CREB5: variants seen among roughly 807,000 people sequenced by gnomAD.
CREB5 encodes cAMP responsive element binding protein 5.
A neutral mutation model predicts 57.1 loss-of-function variants in CREB5; 19 were observed. The observed-to-expected ratio is 0.33, with a 90% CI of 0.23 to 0.49. The LOEUF is 0.49. CREB5 is among the 20% of genes least tolerant of loss of function. The pLI, the probability that CREB5 is intolerant of heterozygous loss-of-function variation, is 0.99. For missense variants in CREB5, 579 were observed against 671.6 expected (o/e 0.86, Z 1.52); for synonymous variants, 238 against 238.3 (o/e 1.00, Z 0.01).
intron 5 of CREB5, among the ~76,000 whole-genome samples, chr7:28,594,887 C>T (rs570031619): frequency 2.0e-5 from 3 of 152,204 alleles, no homozygotes; most frequent in Admixed American, 1.3e-4. Flanking sequence ...TTTCTACAGG[C>T]CACTTCCACT....
At chr7:28,690,239 C>G (rs2128729743) in intron 5 of CREB5, among the ~76,000 whole-genome samples, 1 of 152,224 alleles carries the variant, frequency 6.6e-6, no homozygotes, top group African/African-American at 2.4e-5. Context: ...CACAGGTGAG[C>G]AGGTGGAGGA....
intron 1 of CREB5, among the ~76,000 whole-genome samples, chr7:28,309,949 AC>A (rs1306766830): frequency 1.4e-5 from 2 of 147,400 alleles, no homozygotes; most frequent in Non-Finnish European, 1.5e-5. Context: ...GAGGCTCAAA[AC>A]AAGGGCTAAG....
At chr7:28,374,545 G>A (rs1487202752) in intron 1 of CREB5, among the ~76,000 whole-genome samples, 2 of 152,190 alleles carry the variant, frequency 1.3e-5, no homozygotes, top group African/African-American at 2.4e-5. Context: ...ATGAAACAAT[G>A]TGGATGAACT....
At chr7:28,433,725 A>G (rs1459222073) in intron 1 of CREB5, among the ~76,000 whole-genome samples, 1 of 152,098 alleles carries the variant, frequency 6.6e-6, no homozygotes, top group Non-Finnish European at 1.5e-5. Context: ...TTTTCAGTGT[A>G]AAAAGGGTTT....
intron 2 of CREB5, among the ~76,000 whole-genome samples, chr7:28,490,650 G>A (rs1028481667): frequency 1.3e-5 from 2 of 152,196 alleles, no homozygotes; most frequent in Admixed American, 6.5e-5. Context: ...GTTGTACGAC[G>A]TTTAGCAGTA....
At chr7:28,336,149 G>T (rs927217521) in intron 1 of CREB5, among the ~76,000 whole-genome samples, 3 of 152,082 alleles carry the variant, frequency 2.0e-5, no homozygotes, top group African/African-American at 7.2e-5. Flanking sequence ...ACATTGGCCT[G>T]TAGTTTTATT....
intron 5 of CREB5, among the ~76,000 whole-genome samples, chr7:28,688,386 T>A (rs1801061485): frequency 6.6e-6 from 1 of 152,166 alleles, no homozygotes; most frequent in Admixed American, 6.5e-5. Flanking sequence ...CACAGACCCT[T>A]GTGCTTCAGT....
intron 7 of CREB5, among the ~76,000 whole-genome samples, chr7:28,743,088 T>A (rs1804468129): frequency 6.6e-6 from 1 of 152,198 alleles, no homozygotes; most frequent in Non-Finnish European, 1.5e-5. Flanking sequence ...CCAGCTTATT[T>A]TGCTTTTACT....
rs1583706157 is a variant in CREB5 at position 28,771,027 on chromosome 7, C to T, written c.703-33172C>T. Reference sequence around the variant, plus strand: ...TGATAGCAAATCGTCCTGTGGTGCACCTGAAAATCACAAAATTTTGTCAAT... The same window carrying T: ...TGATAGCAAATCGTCCTGTGGTGCATCTGAAAATCACAAAATTTTGTCAAT... On this transcript the variant is annotated intron_variant, in intron 7 of 10. Transcript: ENST00000357727. Among the ~76,000 whole-genome samples the T allele has an allele frequency of 5.9e-5, 9 of 152,210 alleles. No homozygotes were observed. In the South Asian group the frequency reaches 1.9e-3, roughly 32 times the overall value.
At chr7:28,458,331 G>A (rs59998190) in intron 1 of CREB5, among the ~76,000 whole-genome samples, 1 of 152,238 alleles carries the variant, frequency 6.6e-6, no homozygotes, top group Admixed American at 6.5e-5. Flanking sequence ...AATGTGGCTT[G>A]GTACAATTTC....
chr7:28,516,209 AT>A (rs1000437338), intron 4 of CREB5, among the ~76,000 whole-genome samples: 21 of 151,852 alleles, frequency 1.4e-4, no homozygotes, highest in South Asian at 6.3e-4. Flanking sequence ...GACACCTTGT[AT>A]TTTTTTTAAA....
chr7:28,707,336 C>T (rs562108927), intron 5 of CREB5, among the ~76,000 whole-genome samples: 2 of 152,332 alleles, frequency 1.3e-5, no homozygotes, highest in African/African-American at 4.8e-5. Context: ...TCTCTAAAGT[C>T]ATTCTCATGC....
chr7:28,738,352 G>A (rs1804150836), intron 7 of CREB5, among the ~76,000 whole-genome samples: 1 of 152,168 alleles, frequency 6.6e-6, no homozygotes, highest in Non-Finnish European at 1.5e-5. Context: ...AGCTAGCAAA[G>A]GAGCAAGAAC....
At chr7:28,620,353 G>C (rs1024145405) in intron 5 of CREB5, among the ~76,000 whole-genome samples, 7 of 151,972 alleles carry the variant, frequency 4.6e-5, no homozygotes, top group African/African-American at 1.7e-4. Context: ...GGAAGAGGGG[G>C]GTGCCACTCA....
At chr7:28,570,560 C>T in intron 5 of CREB5, 23 bp downstream of exon 5, 1 of 1,608,030 alleles carries the variant, frequency 6.2e-7, no homozygotes, top group Non-Finnish European at 8.5e-7. Context: ...CCTTGGCTGC[C>T]CCTGGGTCCT....
In CREB5 at chr7:28,635,604, T is replaced by C. The variant is rs114534392; in HGVS notation, c.464+65067T>C. On this transcript the variant is annotated intron_variant, in intron 5 of 10. Coordinates refer to ENST00000357727, the MANE Select transcript of CREB5 (RefSeq NM_182898.4). ...TGCTAGTCATTTTGAATCCATAAAC[T>C]CACCAATTCAGTCAACACTATTCTT... Among the ~76,000 whole-genome samples the C allele has an allele frequency of 4.1e-3, 628 of 152,354 alleles. 2 individuals carry two copies. The highest frequency in any genetic ancestry group is 0.014 in the African/African-American group (593 of 41,592).
At chr7:28,732,006 T>C (rs1803664160) in intron 7 of CREB5, among the ~76,000 whole-genome samples, 1 of 152,164 alleles carries the variant, frequency 6.6e-6, no homozygotes, top group Admixed American at 6.5e-5. Context: ...TCTCGCTGTT[T>C]TCTTTGTGCC....
At chr7:28,590,296 A>G (rs552762414) in intron 5 of CREB5, among the ~76,000 whole-genome samples, 83 of 152,076 alleles carry the variant, frequency 5.5e-4, no homozygotes, top group Non-Finnish European at 1.0e-3. Flanking sequence ...CAACAATCAT[A>G]GACTGGATTA....
upstream of CREB5, chr7:28,409,688 T>C (rs916543211): frequency 6.6e-6 from 2 of 304,046 alleles, no homozygotes; most frequent in Non-Finnish European, 1.3e-5. This position sits in a 1 kb window ranked among gnomAD's most constrained non-coding sequence, Gnocchi z 4.4. Context: ...GCTGGTAGAC[T>C]GTGGAATTCG....
Sources: gnomAD v4.1 joint callset for allele counts (sites outside exome capture counted in the v4.1 genomes callset) on GRCh38, gnomAD v4.1.1 for gene constraint, Gnocchi (gnomAD v3.1) non-coding constraint, MANE v1.5 for transcripts, NCBI Gene and HGNC (gene_info 2026-07-23, HGNC 2026-07-21) for gene names.